The following ECPAS variants were observed in gnomAD, a reference collection of about 807,000 sequenced individuals.
The protein encoded by ECPAS is proteasome adapter and scaffold protein ECM29.
In ECPAS, 70 loss-of-function variants were observed where a neutral mutation model predicts 255.1. The observed-to-expected ratio is 0.27, with a 90% CI of 0.23 to 0.33. The LOEUF is 0.33. ECPAS is among the 10% of genes least tolerant of loss of function. ECPAS has a pLI of 1.00. For synonymous variants in ECPAS, 784 were observed against 775.0 expected, an observed-to-expected ratio of 1.01 and a Z score of -0.19; for missense variants, 1,817 against 2,206.4, an observed-to-expected ratio of 0.82 and a Z score of 3.54.
chr9:111,404,733 A>G (rs932192167), intron 24 of ECPAS, among the ~76,000 whole-genome samples: 2 of 145,982 alleles, frequency 1.4e-5, no homozygotes, highest in African/African-American at 2.7e-5. Context: ...CACTTATAGC[A>G]GTGCGAGAAC....
chr9:111,393,842 T>C, intron 26 of ECPAS, 108 bp from the exon 27 acceptor site: 1 of 823,968 alleles, frequency 1.2e-6, no homozygotes, highest in South Asian at 1.8e-5. Flanking sequence ...TCCAAGCCAG[T>C]TACAATCGCT....
intron 14 of ECPAS, 25 bp downstream of exon 14, chr9:111,422,109 A>C (rs1299008029): frequency 6.2e-7 from 1 of 1,613,730 alleles, no homozygotes; most frequent in African/African-American, 1.3e-5. Flanking sequence ...AACACAAAGC[A>C]TAAACTTAGC....
At chr9:111,408,522 C>T in intron 24 of ECPAS, 49 bp downstream of exon 24, 1 of 1,133,902 alleles carries the variant, frequency 8.8e-7, no homozygotes, top group Non-Finnish European at 1.2e-6. Context: ...AAAAAAAAGA[C>T]CAATGCCTTT....
chr9:111,407,128 G>A (rs2098185147), intron 24 of ECPAS, among the ~76,000 whole-genome samples: 1 of 146,800 alleles, frequency 6.8e-6, no homozygotes, highest in African/African-American at 2.7e-5. Flanking sequence ...CAGGCTGGGT[G>A]CAGTGGTTCA....
intron 20 of ECPAS, among the ~76,000 whole-genome samples, chr9:111,413,345 T>C (rs1010904950): frequency 1.3e-5 from 2 of 152,210 alleles, no homozygotes; most frequent in African/African-American, 4.8e-5. Flanking sequence ...TCCATAGTTG[T>C]AGTGGAATAG....
chr9:111,397,160 C>T lies in ECPAS; in HGVS notation c.2653-7G>A, dbSNP rs369354231. ...GAAGTTCTATCTGCTTGGCCTGCAA[C>T]GAAGGAAGTAAAAACCATGAATGAG... On this transcript the variant is annotated splice_region_variant and splice_polypyrimidine_tract_variant and intron_variant, in intron 24 of 49. Transcript: ENST00000684092. 29 of 1,612,848 alleles carry T rather than the reference C, an allele frequency of 1.8e-5. No individual in the cohort carries two copies. Among genetic ancestry groups the T allele is most frequent in the South Asian group, 1.5e-4 (14 of 91,006 alleles).
chr9:111,428,037 A>G lies in ECPAS; in HGVS notation c.1050+5T>C. 1 of 1,612,406 alleles carries G rather than the reference A, an allele frequency of 6.2e-7. No homozygotes were observed. ...GGCCAATATTCTCTGGAAAAAACAA[A>G]TTACCTGAATGTTGGCTGGGAACGT... On this transcript the variant is annotated splice_donor_5th_base_variant and intron_variant, in intron 10 of 49. Coordinates refer to ENST00000684092, the MANE Select transcript of ECPAS (RefSeq NM_001364929.1).
intron 48 of ECPAS, among the ~76,000 whole-genome samples, chr9:111,365,208 T>G (rs1053293037): frequency 6.6e-6 from 1 of 151,902 alleles, no homozygotes; most frequent in Non-Finnish European, 1.5e-5. Context: ...AAGGCAGAGT[T>G]GCAGTGAGCC....
Position 111,421,933 on chromosome 9 carries a change from C to T in ECPAS, c.1443G>A (p.Ser481=), listed in dbSNP as rs1238248433. 3.7e-6 allele frequency: 6 copies of T among 1,613,372 alleles called. No homozygotes were observed. Among genetic ancestry groups the T allele is most frequent in the Non-Finnish European group, 4.2e-6 (5 of 1,179,730 alleles). The change falls in exon 15 of 50, where the codon TCG becomes TCA. Residue 481 remains serine, a synonymous_variant. Transcript: ENST00000684092. ...CACACGGACCTACCTTTATTAAGTA[C>T]GAAGCCACAAGTGCCTCCATGAGAG... The part of the protein sequence containing the change: ...QRTLMEALVA[S]YLIKPEVQVR...
rs569879244 is a variant in ECPAS, at chr9:111,481,553, T to C, written c.-83+2563A>G. ...AAACAGTACAGTGGTTCCTTAAAAA[T>C]TTAAAACTAGAACTATCACATGATC... On this transcript the variant is annotated intron_variant, in intron 1 of 49. Transcript: ENST00000684092. Among the ~76,000 whole-genome samples the C allele has an allele frequency of 2.6e-5, 4 of 152,058 alleles. No homozygotes were observed. The South Asian group carries it at 8.3e-4, about 32-fold the overall frequency.
chr9:111,391,676 T>A, intron 29 of ECPAS, 80 bp downstream of exon 29: 2 of 881,906 alleles, frequency 2.3e-6, no homozygotes, highest in Non-Finnish European at 1.8e-6. Context: ...ATCAACTTCA[T>A]GACTGCTCTA....
rs2098203426 is a variant in ECPAS, at chr9:111,416,307, T to C, written c.1729A>G (p.Thr577Ala). 1 of 1,613,646 alleles carries C rather than the reference T, an allele frequency of 6.2e-7. No individual in the cohort carries two copies. Residue 577 changes from threonine to alanine, a missense_variant, in exon 18 of 50, where the codon ACT (threonine) becomes GCT (alanine). Around this residue, in one of 4 missense-constraint regions of ECPAS, gnomAD observed 573 missense variants for 716.2 expected, o/e 0.80. Transcript: ENST00000684092. ...KTPVKYMTGT[T>A]VLPFNPAAFG... Reference sequence around the variant, plus strand: ...GCTGCTGGGTTAAATGGAAGGACAGTGGTCCCGGTCATGTACTTGACTGGA... The same window carrying C: ...GCTGCTGGGTTAAATGGAAGGACAGCGGTCCCGGTCATGTACTTGACTGGA...
intron 38 of ECPAS, 103 bp downstream of exon 38, chr9:111,375,010 T>C: frequency 1.2e-6 from 1 of 824,900 alleles, no homozygotes; most frequent in Non-Finnish European, 2.1e-6. Context: ...TGTATAATAT[T>C]AGATTTTGTG....
At chr9:111,365,136 T>C (rs1564492091) in intron 48 of ECPAS, among the ~76,000 whole-genome samples, 1 of 152,026 alleles carries the variant, frequency 6.6e-6, no homozygotes, top group Non-Finnish European at 1.5e-5. Context: ...CCAGGCATGA[T>C]GGCACACACC....
intron 1 of ECPAS, among the ~76,000 whole-genome samples, chr9:111,477,906 TTTTTTTTTTTTTG>T (rs929967608): frequency 4.0e-5 from 6 of 151,804 alleles, no homozygotes; most frequent in African/African-American, 1.5e-4. Context: ...GCAACTTTTT[TTTTTTTTTTTTTG>T]AAACAAGGTC....
At chr9:111,413,293 A>G (rs532581393) in intron 20 of ECPAS, among the ~76,000 whole-genome samples, 2 of 152,258 alleles carry the variant, frequency 1.3e-5, no homozygotes, top group Non-Finnish European at 1.5e-5. Flanking sequence ...ATGATAGTAC[A>G]TTCATACAAT....
At chr9:111,451,012 A>G (rs898980275) in intron 3 of ECPAS, among the ~76,000 whole-genome samples, 1 of 152,224 alleles carries the variant, frequency 6.6e-6, no homozygotes, top group East Asian at 1.9e-4. Context: ...CTGAAACAGG[A>G]GCTATAAAAT....
Position 111,444,473 on chromosome 9 carries a change from G to A in ECPAS, c.175C>T (p.Leu59=), listed in dbSNP as rs2098250170. The A allele has an allele frequency of 6.2e-7, 1 of 1,613,158 alleles. No homozygotes were observed. Among genetic ancestry groups the A allele is most frequent in the African/African-American group, 1.3e-5 (1 of 75,022 alleles). The stretch of plus-strand genomic sequence containing the variant: ...GGGCGGCTTTTTATACGTTTATTCA[G>A]ATGGACCAGCAGTTCCATTACCTAA... The part of the protein sequence containing the change: ...RKKVMELLVH[L]NKRIKSRPKI... Residue 59 remains leucine, a synonymous_variant, in exon 4 of 50, where the codon CTG becomes TTG. Coordinates refer to ENST00000684092, the MANE Select transcript of ECPAS (RefSeq NM_001364929.1).
At chr9:111,452,834 T>C (rs1340825833) in intron 2 of ECPAS, among the ~76,000 whole-genome samples, 2 of 152,188 alleles carry the variant, frequency 1.3e-5, no homozygotes, top group African/African-American at 4.8e-5. Context: ...GATCTTGTTT[T>C]TCAATACCAT....
Sources: allele counts gnomAD v4.1 joint callset (sites outside exome capture counted in the v4.1 genomes callset), GRCh38; gene constraint gnomAD v4.1.1; regional missense constraint gnomAD v4.1.1; transcripts MANE v1.5; gene names NCBI Gene and HGNC (gene_info 2026-07-23, HGNC 2026-07-21).